PTPA: variants seen among roughly 807,000 people sequenced by gnomAD.
PTPA encodes the protein protein phosphatase 2 phosphatase activator.
A neutral mutation model predicts 43.6 loss-of-function variants in PTPA; 13 were observed. The observed-to-expected ratio is 0.30, with a 90% CI of 0.19 to 0.47. The LOEUF is 0.47. Ranked by LOEUF, PTPA falls within the 20% of genes least tolerant of loss-of-function variation. The pLI, the probability that PTPA is intolerant of heterozygous loss-of-function variation, is 0.99. For missense variants in PTPA, 329 were observed against 411.9 expected, an observed-to-expected ratio of 0.80 and a Z score of 1.74; for synonymous variants, 172 against 158.2, an observed-to-expected ratio of 1.09 and a Z score of -0.66.
rs114189529 is a variant in PTPA, at chr9:129,135,789, C to T, written c.561-682C>T. Among the ~76,000 whole-genome samples, 425 of 152,322 alleles carry T rather than the reference C, an allele frequency of 2.8e-3. 2 individuals carry two copies. Among genetic ancestry groups the T allele is most frequent in the African/African-American group, 9.7e-3 (403 of 41,584 alleles). ...TTCACAGGTGGTTGATATGCAGCCT[C>T]TGATAATATAGAAGGTTGGAACCAG... On this transcript the variant is annotated intron_variant, in intron 6 of 9. Transcript: ENST00000393370.
chr9:129,112,395 A>G (rs971517726), intron 1 of PTPA, among the ~76,000 whole-genome samples: 1 of 152,192 alleles, frequency 6.6e-6, no homozygotes, highest in East Asian at 1.9e-4. Context: ...TAACTTTTAC[A>G]TTCCCGACAG....
At chr9:129,114,421 C>T (rs1173823184) in intron 1 of PTPA, among the ~76,000 whole-genome samples, 1 of 152,224 alleles carries the variant, frequency 6.6e-6, no homozygotes, top group Non-Finnish European at 1.5e-5. Flanking sequence ...AGTTACTTCT[C>T]TCTTTTTTAA....
In PTPA at chr9:129,111,482, C is replaced by T; in HGVS notation, c.-119C>T. 1 of 1,263,194 alleles carries T rather than the reference C, an allele frequency of 7.9e-7. No individual in the cohort carries two copies. 78.2% of individuals were successfully genotyped at this position (1,263,194 alleles called of 1,614,324 possible). A position where few individuals can be genotyped will look rare whatever the true frequency, so the allele number is the denominator to read the frequency against. ...GGTTTTCGGTTATAGCCGGCCGGCG[C>T]TCACTTGTCTTCAGGAAGCTCGGAG... On this transcript the variant is annotated 5_prime_UTR_variant, in exon 1 of 10. Transcript: ENST00000393370.
chr9:129,126,860 T>C (rs1849613467), intron 3 of PTPA, among the ~76,000 whole-genome samples: 1 of 152,296 alleles, frequency 6.6e-6, no homozygotes, highest in East Asian at 1.9e-4. Flanking sequence ...GAATTATTCA[T>C]TGGCCCAGCT....
intron 1 of PTPA, among the ~76,000 whole-genome samples, chr9:129,114,412 G>GT (rs1376909878): frequency 6.6e-6 from 1 of 152,200 alleles, no homozygotes; most frequent in African/African-American, 2.4e-5. Flanking sequence ...GTGAGCCTCA[G>GT]TTACTTCTCT....
chr9:129,124,890 GCT>G (rs1279824085), intron 3 of PTPA, among the ~76,000 whole-genome samples: 1 of 152,226 alleles, frequency 6.6e-6, no homozygotes, highest in Non-Finnish European at 1.5e-5. Flanking sequence ...CCCTGGCAGA[GCT>G]GCCTATTGCT....
intron 3 of PTPA, among the ~76,000 whole-genome samples, chr9:129,128,273 C>T (rs1423897629): frequency 2.0e-5 from 3 of 152,118 alleles, no homozygotes; most frequent in Non-Finnish European, 2.9e-5. Flanking sequence ...CGGTGGCTCA[C>T]GCTTGTAATC....
rs369013775 is a variant in PTPA, at chr9:129,136,614, C to T, written c.685+19C>T. The T allele has an allele frequency of 1.3e-6, 2 of 1,596,172 alleles. No homozygotes were observed. The highest frequency in any genetic ancestry group is 1.7e-6 in the Non-Finnish European group (2 of 1,169,556). On this transcript the variant is annotated intron_variant, in intron 7 of 9. Coordinates refer to ENST00000393370, the MANE Select transcript of PTPA (RefSeq NM_178000.3). ...CTGATAGGTACTAGAGCGGGAGGTG[C>T]CTATCCCTCCACCCCCAACCAAGGC...
At chr9:129,136,344 T>C (rs1296034907) in intron 6 of PTPA, 127 bp from the exon 7 acceptor site, 25 of 1,058,972 alleles carry the variant, frequency 2.4e-5, no homozygotes, top group Non-Finnish European at 3.0e-5. Flanking sequence ...AGCTACATTA[T>C]TGAAATTGAG....
chr9:129,128,061 C>G (rs1386914251), intron 3 of PTPA: 1 of 1,332,028 alleles, frequency 7.5e-7, no homozygotes, highest in African/African-American at 1.5e-5. Context: ...CACTGTGCAC[C>G]TTCGGAGGTA....
intron 3 of PTPA, among the ~76,000 whole-genome samples, chr9:129,126,701 T>C (rs1849603593): frequency 6.6e-6 from 1 of 152,126 alleles, no homozygotes; most frequent in Admixed American, 6.6e-5. Context: ...CTAGGGAGAA[T>C]GGGAGAGCTG....
chr9:129,147,564 T>TTTGA lies in PTPA; in HGVS notation c.*102_*105dup, dbSNP rs1851387199. On this transcript the variant is annotated 3_prime_UTR_variant, in exon 10 of 10. Transcript: ENST00000393370. ...CCATCCCCTCCCTCTGTTCGTCCCG[T>TTTGA]TTGATGAGAGGCTGTTTACTGGGGT... 7.8e-7 allele frequency: 1 copy of TTTGA among 1,276,958 alleles called. No individual in the cohort carries two copies. Among genetic ancestry groups the TTTGA allele is most frequent in the East Asian group, 2.5e-5 (1 of 40,440 alleles). The allele number at this position is 1,276,958 out of a possible 1,614,324, so 79.1% of individuals were successfully genotyped here.
intron 3 of PTPA, chr9:129,128,078 A>G (rs1030228291): frequency 1.5e-6 from 2 of 1,317,650 alleles, no homozygotes; most frequent in Admixed American, 4.4e-5. Flanking sequence ...GGTATTTATC[A>G]TCAGCCCCAT....
chr9:129,111,229 A>C (rs1057329006), upstream of PTPA: 7 of 1,137,396 alleles, frequency 6.2e-6, no homozygotes, highest in African/African-American at 1.0e-4. Flanking sequence ...CACAACCCAA[A>C]CTTGACGCCC....
At chr9:129,136,712 C>G (rs1850397005) in intron 7 of PTPA, 117 bp downstream of exon 7, 2 of 1,291,026 alleles carry the variant, frequency 1.5e-6, no homozygotes, top group Non-Finnish European at 2.1e-6. Flanking sequence ...CAGACAGTGA[C>G]AGCTTGGAAA....
chr9:129,136,738 A>C (rs763819967), intron 7 of PTPA, 143 bp downstream of exon 7: 1 of 1,133,066 alleles, frequency 8.8e-7, no homozygotes, highest in Non-Finnish European at 1.2e-6. Context: ...GCATTAGACC[A>C]GCTATTGAGG....
intron 5 of PTPA, among the ~76,000 whole-genome samples, chr9:129,134,003 C>T (rs990991895): frequency 6.6e-6 from 1 of 152,206 alleles, no homozygotes; most frequent in Non-Finnish European, 1.5e-5. Context: ...TGAACCCTTA[C>T]GTCAGGGTCC....
chr9:129,122,606 A>G (rs747400095), intron 2 of PTPA, among the ~76,000 whole-genome samples: 43 of 152,116 alleles, frequency 2.8e-4, no homozygotes, highest in Non-Finnish European at 5.7e-4. Context: ...CTGGTGGTAG[A>G]GCATCATGGA....
Position 129,143,074 on chromosome 9 carries a change from C to G in PTPA, c.894+522C>G, listed in dbSNP as rs17486513. ...GGGATTTTGATGCAAATGGTTTTCC[C>G]TGCTCTCAAATCAGATGCTGAGGAG... On this transcript the variant is annotated intron_variant, in intron 9 of 9. Transcript: ENST00000393370. The G allele has an allele frequency of 8.4e-4, 609 of 721,408 alleles. 2 individuals carry two copies. The African/African-American group carries it at 1.0e-2, about 12-fold the overall frequency. 44.7% of individuals were successfully genotyped at this position (721,408 alleles called of 1,614,324 possible).
Sources: gnomAD v4.1 joint callset for allele counts (sites outside exome capture counted in the v4.1 genomes callset) on GRCh38, gnomAD v4.1.1 for gene constraint, MANE v1.5 for transcripts, NCBI Gene and HGNC (gene_info 2026-07-23, HGNC 2026-07-21) for gene names.